Variants in FTCDNL1 observed in about 807,000 individuals in gnomAD.
FTCDNL1 encodes the protein formiminotransferase cyclodeaminase N-terminal like.
Under a neutral mutation model 5.9 loss-of-function variants are expected in FTCDNL1, and 11 were observed. The ratio of observed to expected loss-of-function variants is 1.87; its 90% CI spans 1.18 to 3.10. FTCDNL1 has a LOEUF of 3.10. Ranked by LOEUF, FTCDNL1 falls within the 30% of genes most tolerant of loss-of-function variation. The pLI, the probability that FTCDNL1 is intolerant of heterozygous loss-of-function variation, is 0.00. For missense variants in FTCDNL1, 115 were observed against 65.5 expected (o/e 1.76, Z -2.61); for synonymous variants, 58 against 24.8 (o/e 2.34, Z -3.99).
At chr2:199,743,464 G>T in the FTCDNL1 span, among the ~76,000 whole-genome samples, 20 of 152,198 alleles carry the variant, frequency 1.3e-4, no homozygotes, top group Non-Finnish European at 2.4e-4. Context: ...TTATGCTTTT[G>T]TCTATCACTG....
the FTCDNL1 span, among the ~76,000 whole-genome samples, chr2:199,664,684 C>G: frequency 6.6e-6 from 1 of 152,136 alleles, no homozygotes; most frequent in African/African-American, 2.4e-5. Flanking sequence ...ACTGAGTCCC[C>G]AAAAAGCCAA....
chr2:199,836,762 T>G (rs78346035), intron 3 of FTCDNL1, among the ~76,000 whole-genome samples: 2 of 151,428 alleles, frequency 1.3e-5, no homozygotes, highest in East Asian at 3.9e-4. Flanking sequence ...AAACCCTGTT[T>G]CAAAAAAAAA....
At chr2:199,666,622 G>T in the FTCDNL1 span, among the ~76,000 whole-genome samples, 72 of 152,086 alleles carry the variant, frequency 4.7e-4, no homozygotes, top group Non-Finnish European at 9.4e-4. Flanking sequence ...TAACCTTAAT[G>T]ATGTGATACC....
intron 3 of FTCDNL1, among the ~76,000 whole-genome samples, chr2:199,833,283 T>G (rs1374038540): frequency 6.6e-6 from 1 of 152,178 alleles, no homozygotes; most frequent in Non-Finnish European, 1.5e-5. Flanking sequence ...CAAATTCTTA[T>G]CCTGCCCACT....
chr2:199,760,828 C>T (rs2106241890), exon 4 of FTCDNL1: 2 of 702,342 alleles, frequency 2.8e-6, no homozygotes, highest in Non-Finnish European at 5.2e-6. Flanking sequence ...CTTGGTTGCG[C>T]TTGTCCACTG....
intron 3 of FTCDNL1, among the ~76,000 whole-genome samples, chr2:199,781,135 T>A (rs1201109577): frequency 6.6e-6 from 1 of 152,248 alleles, no homozygotes; most frequent in African/African-American, 2.4e-5. Flanking sequence ...CACAGGTCCA[T>A]CATGTCTCTT....
chr2:199,698,769 A>G, the FTCDNL1 span, among the ~76,000 whole-genome samples: 2 of 152,148 alleles, frequency 1.3e-5, no homozygotes, highest in South Asian at 4.1e-4. Flanking sequence ...AATAACCAAA[A>G]TGAGAGCTGA....
downstream of FTCDNL1, among the ~76,000 whole-genome samples, chr2:199,804,721 C>T (rs1700634739): frequency 6.6e-6 from 1 of 152,166 alleles, no homozygotes; most frequent in East Asian, 1.9e-4. Flanking sequence ...AGAGTATTTT[C>T]TGCCTTCTCC....
chr2:199,732,586 G>A, the FTCDNL1 span, among the ~76,000 whole-genome samples: 1 of 151,808 alleles, frequency 6.6e-6, no homozygotes, highest in South Asian at 2.1e-4. Flanking sequence ...AGATCTATGG[G>A]TATTGACATA....
chr2:199,692,073 T>C, the FTCDNL1 span, among the ~76,000 whole-genome samples: 96 of 152,298 alleles, frequency 6.3e-4, no homozygotes, highest in African/African-American at 2.3e-3. Context: ...GAGGAGAACA[T>C]ACAAGACCAA....
intron 3 of FTCDNL1, among the ~76,000 whole-genome samples, chr2:199,821,973 A>G (rs1477880396): frequency 6.6e-6 from 1 of 152,230 alleles, no homozygotes; most frequent in African/African-American, 2.4e-5. Context: ...TCGCTGGCAA[A>G]TATCACAATA....
intron 3 of FTCDNL1, among the ~76,000 whole-genome samples, chr2:199,766,610 T>C (rs1296367851): frequency 6.6e-6 from 1 of 152,212 alleles, no homozygotes; most frequent in Admixed American, 6.5e-5. Flanking sequence ...GAATGTAATA[T>C]TTCATTTTCT....
chr2:199,776,058 C>T lies in FTCDNL1; in HGVS notation c.212-15223G>A, dbSNP rs7609534. On this transcript the variant is annotated intron_variant, in intron 3 of 3. Transcript: ENST00000416668. ...CCTCCTGAGTAGCTGGGACTACAGGCGCCCGCCACCACGCCTGGCTAATTT... is the reference window on the plus strand; with the variant it reads ...CCTCCTGAGTAGCTGGGACTACAGGTGCCCGCCACCACGCCTGGCTAATTT... Among the ~76,000 whole-genome samples, 638 of 152,092 alleles carry T rather than the reference C, an allele frequency of 4.2e-3. 2 individuals are homozygous for T. The highest frequency in any genetic ancestry group is 0.014 in the African/African-American group (597 of 41,484).
rs553704149 is a variant in FTCDNL1, at chr2:199,849,224, A to G, written c.-7-255T>C. 3.9e-5 allele frequency among the ~76,000 whole-genome samples: 6 copies of G among 152,256 alleles called. No individual in the cohort carries two copies. In the East Asian group the frequency reaches 9.6e-4, roughly 24 times the overall value. On this transcript the variant is annotated intron_variant, in intron 1 of 4. Coordinates refer to ENST00000420128, the MANE Select transcript of FTCDNL1 (RefSeq NM_001363886.2). ...TGGCAGGGTCCTCAGCGTGAATTTC[A>G]TCATGTAAGTGAAAGTTTTTCATTA... is the stretch of plus-strand genomic sequence containing the variant.
At chr2:199,711,662 T>C in the FTCDNL1 span, among the ~76,000 whole-genome samples, 2 of 152,106 alleles carry the variant, frequency 1.3e-5, no homozygotes, top group African/African-American at 4.8e-5. Flanking sequence ...AAAATGAAAT[T>C]AAGATTATTC....
chr2:199,699,055 A>G, the FTCDNL1 span, among the ~76,000 whole-genome samples: 14 of 152,224 alleles, frequency 9.2e-5, no homozygotes, highest in African/African-American at 3.4e-4. Flanking sequence ...CAACTTTTCA[A>G]GATTGAATCA....
chr2:199,751,396 GGACAA>G, the FTCDNL1 span, among the ~76,000 whole-genome samples: 1 of 152,182 alleles, frequency 6.6e-6, no homozygotes, highest in Non-Finnish European at 1.5e-5. Context: ...AAAGAGAAGA[GGACAA>G]GACATGACTG....
chr2:199,785,158 G>T, intron 3 of FTCDNL1, among the ~76,000 whole-genome samples: 1 of 146,586 alleles, frequency 6.8e-6, no homozygotes, highest in African/African-American at 2.5e-5. Context: ...ATTCTTGAGT[G>T]TTTTCATGAT....
At chr2:199,728,204 A>AT in the FTCDNL1 span, among the ~76,000 whole-genome samples, 1 of 152,014 alleles carries the variant, frequency 6.6e-6, no homozygotes, top group African/African-American at 2.4e-5. Flanking sequence ...TTTTAAGGTG[A>AT]TTTTTTAAAG....
Sources: gnomAD v4.1 joint callset for allele counts (sites outside exome capture counted in the v4.1 genomes callset) on GRCh38, gnomAD v4.1.1 for gene constraint, MANE v1.5 for transcripts, NCBI Gene and HGNC (gene_info 2026-07-23, HGNC 2026-07-21) for gene names.